Variants in TMBIM4 observed in about 807,000 individuals in gnomAD.
The protein encoded by TMBIM4 is transmembrane BAX inhibitor motif containing 4.
A neutral mutation model predicts 27.7 loss-of-function variants in TMBIM4; 28 were observed. The observed-to-expected ratio is 1.01, with a 90% CI of 0.75 to 1.38. The LOEUF is 1.38. TMBIM4 is among the 40% of genes most tolerant of loss of function. The pLI, the probability that TMBIM4 is intolerant of heterozygous loss-of-function variation, is 0.00. For missense variants in TMBIM4, 265 were observed against 277.5 expected (o/e 0.95, Z 0.32); for synonymous variants, 115 against 113.1 (o/e 1.02, Z -0.11).
At position 66,138,166 on chromosome 12, in the gene TMBIM4, A is replaced by C; in HGVS notation, c.511T>G (p.Phe171Val). ...TCCATTATCTCACTATAAAAAAAAA[A>C]CTATAGGGAAGAGATTAAAGAAATA... ...WILCLSGFLKFFFYSEIMELV... is the reference protein window; with the variant it reads ...WILCLSGFLKVFFYSEIMELV... Residue 171 changes from phenylalanine to valine, a missense_variant and splice_region_variant, in exon 7 of 7, where the codon TTT (phenylalanine) becomes GTT (valine). Phe to Val is a conservative substitution (Grantham distance 50). Transcript: ENST00000358230. 1 of 1,606,716 alleles carries C rather than the reference A, an allele frequency of 6.2e-7. No individual in the cohort carries two copies.
At position 66,151,769 on chromosome 12, in the gene TMBIM4, G is replaced by GA. The variant is rs574113263; in HGVS notation, c.312+501dup. On this transcript the variant is annotated intron_variant, in intron 3 of 6. Transcript: ENST00000358230. ...GTTGGGTTCTCCCAACTATAATTTT[G>GA]AAAAAAGTTACTAATGCACATAATT... Among the ~76,000 whole-genome samples the GA allele has an allele frequency of 4.6e-3, 701 of 152,078 alleles. 2 individuals are homozygous for GA. The highest frequency in any genetic ancestry group is 6.3e-3 in the Non-Finnish European group (429 of 67,974).
intron 1 of TMBIM4, among the ~76,000 whole-genome samples, chr12:66,164,543 G>A (rs186722811): frequency 6.6e-6 from 1 of 152,278 alleles, no homozygotes; most frequent in Admixed American, 6.5e-5. Flanking sequence ...CTGGAACTGG[G>A]GTTAGTCAGA....
Position 66,137,306 on chromosome 12 carries a change from C to G in TMBIM4, c.*654G>C, listed in dbSNP as rs1592530277. Reference sequence around the variant, plus strand: ...TTCAGGGAAAATTTAGATAAAATCACTAGACAACGGTAAACTGATATTCTT... The same window carrying G: ...TTCAGGGAAAATTTAGATAAAATCAGTAGACAACGGTAAACTGATATTCTT... On this transcript the variant is annotated 3_prime_UTR_variant, in exon 7 of 7. Transcript: ENST00000358230. 6.6e-6 allele frequency: 1 copy of G among 152,056 alleles called. No homozygotes were observed. Among genetic ancestry groups the G allele is most frequent in the East Asian group, 1.9e-4 (1 of 5,194 alleles). The allele number at this position is 152,056 out of a possible 1,614,324, so 9.4% of individuals were successfully genotyped here. A position where few individuals can be genotyped will look rare whatever the true frequency, so the allele number is the denominator to read the frequency against.
intron 3 of TMBIM4, among the ~76,000 whole-genome samples, chr12:66,149,964 ACTC>A (rs1433307669): frequency 6.6e-6 from 1 of 151,548 alleles, no homozygotes; most frequent in African/African-American, 2.4e-5. Context: ...GGACCAAAAA[ACTC>A]CTAACGTTAA....
In TMBIM4 at chr12:66,137,870, C is replaced by G; in HGVS notation, c.*90G>C. 1.0e-6 allele frequency: 1 copy of G among 972,922 alleles called. No homozygotes were observed. 60.3% of individuals were successfully genotyped at this position (972,922 alleles called of 1,614,324 possible). A position where few individuals can be genotyped will look rare whatever the true frequency, so the allele number is the denominator to read the frequency against. ...TTTCAAACTTTATTACTTAATGAAA[C>G]AGTTTCTATATACTGCTTCCAATTA... On this transcript the variant is annotated 3_prime_UTR_variant, in exon 7 of 7. Coordinates refer to ENST00000358230, the MANE Select transcript of TMBIM4 (RefSeq NM_016056.4).
intron 2 of TMBIM4, 110 bp from the exon 3 acceptor site, chr12:66,152,486 A>G (rs1033439642): frequency 4.8e-6 from 3 of 626,984 alleles, no homozygotes; most frequent in Non-Finnish European, 7.5e-6. Flanking sequence ...GTACAGGGGA[A>G]AAAATCTGGA....
At chr12:66,165,420 T>G (rs1184883) in intron 1 of TMBIM4, among the ~76,000 whole-genome samples, 17,031 of 65,022 alleles carry the variant, frequency 0.26, 2,830 homozygotes, top group African/African-American at 0.51. Flanking sequence ...TATATGATCC[T>G]TTTTTTTTTT....
chr12:66,151,466 C>T (rs71450849), intron 3 of TMBIM4, among the ~76,000 whole-genome samples: 5,547 of 149,638 alleles, frequency 0.037, 136 homozygotes, highest in Non-Finnish European at 0.052. Context: ...CTCAGACTCT[C>T]GGACTCCAGC....
At chr12:66,151,388 C>T (rs567207627) in intron 3 of TMBIM4, among the ~76,000 whole-genome samples, 1 of 152,080 alleles carries the variant, frequency 6.6e-6, no homozygotes, top group African/African-American at 2.4e-5. Flanking sequence ...TAGGTGCACA[C>T]CACCATGCCC....
At chr12:66,149,337 G>T (rs1457050906) in intron 3 of TMBIM4, among the ~76,000 whole-genome samples, 1 of 151,518 alleles carries the variant, frequency 6.6e-6, no homozygotes, top group East Asian at 1.9e-4. Flanking sequence ...CAGCTACTTG[G>T]GAGGCTGGGA....
intron 1 of TMBIM4, among the ~76,000 whole-genome samples, chr12:66,163,535 G>A (rs1228066102): frequency 2.0e-5 from 3 of 152,100 alleles, no homozygotes; most frequent in African/African-American, 4.8e-5. Context: ...GCAAAAGGGG[G>A]AAAGGGCCCT....
chr12:66,141,652 A>C (rs2051670758), intron 5 of TMBIM4, among the ~76,000 whole-genome samples: 1 of 152,148 alleles, frequency 6.6e-6, no homozygotes, highest in African/African-American at 2.4e-5. Context: ...CGATGCTAAC[A>C]TGCTAACACA....
At chr12:66,165,767 AAAATC>A (rs2052116202) in intron 1 of TMBIM4, among the ~76,000 whole-genome samples, 1 of 152,174 alleles carries the variant, frequency 6.6e-6, no homozygotes, top group Non-Finnish European at 1.5e-5. Flanking sequence ...TCTTCACTTT[AAAATC>A]AGGTTGTTTT....
At chr12:66,149,415 AGCCTGGGT>A (rs1236012874) in intron 3 of TMBIM4, among the ~76,000 whole-genome samples, 2 of 146,334 alleles carry the variant, frequency 1.4e-5, no homozygotes, top group African/African-American at 5.0e-5. Flanking sequence ...ACTGCACTCC[AGCCTGGGT>A]GACAGAGAGA....
chr12:66,145,780 A>G, intron 5 of TMBIM4, 61 bp downstream of exon 5: 1 of 1,015,228 alleles, frequency 9.9e-7, no homozygotes, highest in Non-Finnish European at 1.5e-6. Flanking sequence ...CACATTCCTC[A>G]AAACCACCTA....
intron 5 of TMBIM4, among the ~76,000 whole-genome samples, chr12:66,142,072 A>G (rs983980625): frequency 1.3e-5 from 2 of 152,150 alleles, no homozygotes; most frequent in Non-Finnish European, 2.9e-5. Flanking sequence ...TTAAAAAATA[A>G]ATAAATAAAT....
intron 1 of TMBIM4, among the ~76,000 whole-genome samples, chr12:66,161,391 C>T (rs948718965): frequency 6.6e-6 from 1 of 152,134 alleles, no homozygotes; most frequent in Admixed American, 6.5e-5. Flanking sequence ...CAGACACATG[C>T]CACCACACCT....
chr12:66,159,921 C>A (rs553990767), intron 1 of TMBIM4, among the ~76,000 whole-genome samples: 3 of 152,350 alleles, frequency 2.0e-5, no homozygotes, highest in African/African-American at 7.2e-5. Flanking sequence ...AAAATGCTCA[C>A]CTTCACTCAC....
At position 66,169,976 on chromosome 12, in the gene TMBIM4, C is replaced by G; in HGVS notation, c.-25G>C. 2 of 1,454,960 alleles carry G rather than the reference C, an allele frequency of 1.4e-6. No individual in the cohort carries two copies. Among genetic ancestry groups the G allele is most frequent in the Non-Finnish European group, 1.8e-6 (2 of 1,097,730 alleles). The allele number at this position is 1,454,960 out of a possible 1,614,324, so 90.1% of individuals were successfully genotyped here. On this transcript the variant is annotated 5_prime_UTR_variant, in exon 1 of 7. Coordinates refer to ENST00000358230, the MANE Select transcript of TMBIM4 (RefSeq NM_016056.4). ...TGATGGCAACAGCACCCCTACCGGT[C>G]CCGGTCCACTAACCGCAACCGCCTC...
Sources: allele counts gnomAD v4.1 joint callset (sites outside exome capture counted in the v4.1 genomes callset), GRCh38; gene constraint gnomAD v4.1.1; transcripts MANE v1.5; gene names NCBI Gene and HGNC (gene_info 2026-07-23, HGNC 2026-07-21).